The following NALF1 variants were observed in gnomAD, a reference collection of about 807,000 sequenced individuals.
The protein encoded by NALF1 is NALCN channel auxiliary factor 1.
NALF1 carries 3 observed loss-of-function variants against 48.4 expected under a neutral mutation model. The ratio of observed to expected loss-of-function variants is 0.06; its 90% confidence interval spans 0.03 to 0.16. NALF1 has a LOEUF of 0.16. Ranked by LOEUF, NALF1 falls within the 10% of genes least tolerant of loss-of-function variation. The probability of loss-of-function intolerance (pLI) is 1.00; values close to 1 mark genes in which losing one functional copy is unlikely to be tolerated. For synonymous variants in NALF1, 262 were observed against 245.7 expected, an observed-to-expected ratio of 1.07 and a Z score of -0.62; for missense variants, 526 against 571.5, an observed-to-expected ratio of 0.92 and a Z score of 0.81.
chr13:107,485,562 G>A (rs545142116), intron 1 of NALF1, among the ~76,000 whole-genome samples: 18 of 152,274 alleles, frequency 1.2e-4, no homozygotes, highest in African/African-American at 4.3e-4. Flanking sequence ...ATTATTGTAA[G>A]TAGGTTGGGA....
At chr13:107,369,394 A>C (rs1883209618) in intron 1 of NALF1, among the ~76,000 whole-genome samples, 1 of 152,238 alleles carries the variant, frequency 6.6e-6, no homozygotes, top group Non-Finnish European at 1.5e-5. Context: ...AAAACAGGAC[A>C]CATTTAACTG....
intron 1 of NALF1, among the ~76,000 whole-genome samples, chr13:107,769,254 A>C (rs962873689): frequency 2.0e-5 from 3 of 149,210 alleles, no homozygotes; most frequent in African/African-American, 7.4e-5. Context: ...TGTTTACTGC[A>C]GCACTCTTCA....
chr13:107,213,230 C>CAAAAAAAAAAAAAAAAA (rs386380636), intron 1 of NALF1, among the ~76,000 whole-genome samples: 77 of 103,316 alleles, frequency 7.5e-4, no homozygotes, highest in Admixed American at 1.1e-3. Flanking sequence ...TTTTTTAACT[C>CAAAAAAAAAAAAAAAAA]AAAAAAAAAA....
chr13:107,425,331 C>A (rs1884261269), intron 1 of NALF1, among the ~76,000 whole-genome samples: 1 of 152,056 alleles, frequency 6.6e-6, no homozygotes, highest in South Asian at 2.1e-4. Context: ...GCCTAAAATA[C>A]TATAAACGTG....
intron 2 of NALF1, among the ~76,000 whole-genome samples, chr13:107,197,364 A>T (rs1344039644): frequency 6.6e-6 from 1 of 152,190 alleles, no homozygotes; most frequent in Non-Finnish European, 1.5e-5. Flanking sequence ...TTTATTTTTT[A>T]AAAAGAGCAT....
chr13:107,247,364 G>T (rs1334991025), intron 1 of NALF1, among the ~76,000 whole-genome samples: 1 of 152,138 alleles, frequency 6.6e-6, no homozygotes, highest in Non-Finnish European at 1.5e-5. Flanking sequence ...CTGTGTGCTT[G>T]CATTATCTTG....
At chr13:107,283,720 C>T (rs939836817) in intron 1 of NALF1, among the ~76,000 whole-genome samples, 7 of 151,598 alleles carry the variant, frequency 4.6e-5, no homozygotes, top group South Asian at 2.1e-4. Flanking sequence ...AGTGCAGTGG[C>T]GCAAACTCGG....
rs1878182314 is a variant in NALF1, at chr13:107,789,919, CT to C, written c.915+75762del. Among the ~76,000 whole-genome samples, 3 of 152,240 alleles carry C rather than the reference CT, an allele frequency of 2.0e-5. No individual in the cohort carries two copies. In the South Asian group the frequency reaches 6.2e-4, roughly 32 times the overall value. ...GCAAATAAGGATAAAAGAAACTAAA[CT>C]TTTGTTTAGGAAAATTAAAATGGCA... On this transcript the variant is annotated intron_variant, in intron 1 of 2. Coordinates refer to ENST00000375915, the MANE Select transcript of NALF1 (RefSeq NM_001080396.3).
At chr13:107,490,437 T>C (rs1885397146) in intron 1 of NALF1, among the ~76,000 whole-genome samples, 1 of 152,140 alleles carries the variant, frequency 6.6e-6, no homozygotes, top group African/African-American at 2.4e-5. Context: ...CTGGAGGCCA[T>C]TATCCTAGCA....
chr13:107,633,260 T>C (rs1190014327), intron 1 of NALF1, among the ~76,000 whole-genome samples: 1 of 152,046 alleles, frequency 6.6e-6, no homozygotes, highest in Non-Finnish European at 1.5e-5. Flanking sequence ...AAACACAATA[T>C]AAGATGTTCT....
chr13:107,595,078 A>C (rs1210033820), intron 1 of NALF1, among the ~76,000 whole-genome samples: 1 of 152,116 alleles, frequency 6.6e-6, no homozygotes, highest in Non-Finnish European at 1.5e-5. Context: ...CATAGTTAGA[A>C]AGCGTTCAAG....
chr13:107,332,385 C>T (rs1797879778), intron 1 of NALF1, among the ~76,000 whole-genome samples: 2 of 152,188 alleles, frequency 1.3e-5, no homozygotes, highest in Admixed American at 1.3e-4. Flanking sequence ...AAAGGAGCAG[C>T]AGGAGTAGAA....
chr13:107,398,000 A>G (rs1425355433), intron 1 of NALF1, among the ~76,000 whole-genome samples: 2 of 152,116 alleles, frequency 1.3e-5, no homozygotes, highest in African/African-American at 4.8e-5. Context: ...ATATTTATTC[A>G]TTCTCCCTCC....
chr13:107,792,915 C>G (rs1878294031), intron 1 of NALF1, among the ~76,000 whole-genome samples: 1 of 152,106 alleles, frequency 6.6e-6, no homozygotes, highest in African/African-American at 2.4e-5. Context: ...CTCAAGGAAT[C>G]CCCCGCCTTG....
At chr13:107,647,037 T>G (rs184335524) in intron 1 of NALF1, among the ~76,000 whole-genome samples, 383 of 152,208 alleles carry the variant, frequency 2.5e-3, no homozygotes, top group Non-Finnish European at 3.8e-3. Context: ...CATACTAGAA[T>G]GCTTATTGTA....
intron 1 of NALF1, among the ~76,000 whole-genome samples, chr13:107,300,515 T>G (rs1481482414): frequency 2.6e-5 from 4 of 152,206 alleles, no homozygotes; most frequent in Non-Finnish European, 5.9e-5. Context: ...TGACAGAAAA[T>G]GAGCATACTT....
chr13:107,659,476 A>G (rs986250766), intron 1 of NALF1, among the ~76,000 whole-genome samples: 2 of 149,528 alleles, frequency 1.3e-5, no homozygotes, highest in African/African-American at 5.0e-5. Flanking sequence ...CTAGAGACCT[A>G]TTCTCCCTCC....
intron 1 of NALF1, among the ~76,000 whole-genome samples, chr13:107,854,638 C>A (rs1351466534): frequency 6.6e-6 from 1 of 151,952 alleles, no homozygotes; most frequent in African/African-American, 2.4e-5. Context: ...TTTGGGAGGC[C>A]GAGGCGGGCA....
chr13:107,417,353 A>G (rs9514679), intron 1 of NALF1, among the ~76,000 whole-genome samples: 33,532 of 152,100 alleles, frequency 0.22, 4,122 homozygotes, highest in Middle Eastern at 0.28. Context: ...GATATCAACC[A>G]CATCAGACTT....
Sources: allele counts gnomAD v4.1 joint callset (sites outside exome capture counted in the v4.1 genomes callset), GRCh38; gene constraint gnomAD v4.1.1; transcripts MANE v1.5; gene names NCBI Gene and HGNC (gene_info 2026-07-23, HGNC 2026-07-21).